PXDNL: variants seen among roughly 807,000 people sequenced by gnomAD.
PXDNL encodes probable oxidoreductase PXDNL.
In PXDNL, 145 loss-of-function variants were observed where a neutral mutation model predicts 150.8. The observed-to-expected ratio is 0.96, with a 90% confidence interval of 0.84 to 1.10. PXDNL has a LOEUF of 1.10. PXDNL is among the 50% of genes least tolerant of loss of function. The pLI is 0.00. For missense variants in PXDNL, 2,087 were observed against 1,873.9 expected, an observed-to-expected ratio of 1.11 and a Z score of -2.10; for synonymous variants, 757 against 725.7, an observed-to-expected ratio of 1.04 and a Z score of -0.69.
chr8:51,713,128 G>C (rs1391753094), intron 1 of PXDNL, among the ~76,000 whole-genome samples: 1 of 152,164 alleles, frequency 6.6e-6, no homozygotes, highest in Non-Finnish European at 1.5e-5. Flanking sequence ...AATATGAAAA[G>C]CATTAACTTA....
chr8:51,796,712 C>A (rs1264128587), intron 1 of PXDNL, among the ~76,000 whole-genome samples: 1 of 152,136 alleles, frequency 6.6e-6, no homozygotes, highest in Non-Finnish European at 1.5e-5. Context: ...AGCCCAGGAC[C>A]AGATGGATTT....
chr8:51,399,198 G>C lies in PXDNL; in HGVS notation c.3557+8869C>G, dbSNP rs539745176. 8.5e-5 allele frequency among the ~76,000 whole-genome samples: 13 copies of C among 152,204 alleles called. No homozygotes were observed. In the East Asian group the frequency reaches 2.3e-3, roughly 27 times the overall value. ...AGTTTCTTATAAAGTTAAATACAGAGTTACTAAGTGACCTAGAAATTATAC... is the reference window on the plus strand; with the variant it reads ...AGTTTCTTATAAAGTTAAATACAGACTTACTAAGTGACCTAGAAATTATAC... On this transcript the variant is annotated intron_variant, in intron 17 of 22. Transcript: ENST00000356297.
rs2037256790 is a variant in PXDNL, at chr8:51,768,540, TG to T, written c.164+40640del. On this transcript the variant is annotated intron_variant, in intron 1 of 22. Transcript: ENST00000356297. ...AAAAAATAACTCATGAGAAAACTCA[TG>T]ATGTCAATAACAATCAAGTTCCAAA... 2.0e-5 allele frequency among the ~76,000 whole-genome samples: 3 copies of T among 152,334 alleles called. No individual in the cohort carries two copies. In the South Asian group the frequency reaches 6.2e-4, roughly 32 times the overall value.
At chr8:51,327,801 A>C (rs999539450) in intron 21 of PXDNL, among the ~76,000 whole-genome samples, 3 of 152,316 alleles carry the variant, frequency 2.0e-5, no homozygotes, top group Middle Eastern at 3.4e-3. Context: ...CGACAAGAAA[A>C]ATTGGACACA....
At chr8:51,353,121 A>T (rs948013193) in intron 19 of PXDNL, among the ~76,000 whole-genome samples, 5 of 151,464 alleles carry the variant, frequency 3.3e-5, no homozygotes, top group Non-Finnish European at 5.9e-5. Flanking sequence ...TTATTGGAAA[A>T]AGCATGTTAT....
intron 13 of PXDNL, among the ~76,000 whole-genome samples, chr8:51,424,725 C>T (rs2392898): frequency 0.54 from 81,954 of 152,068 alleles, 26,133 homozygotes; most frequent in Non-Finnish European, 0.7. Context: ...CCTGCCTCTC[C>T]ACAAAAGACT....
At chr8:51,642,701 G>T (rs1814798301) in intron 2 of PXDNL, among the ~76,000 whole-genome samples, 1 of 152,198 alleles carries the variant, frequency 6.6e-6, no homozygotes, top group African/African-American at 2.4e-5. Flanking sequence ...GGGCAATCAG[G>T]CAGGAGAAGG....
chr8:51,429,223 T>A (rs1420044965), intron 12 of PXDNL, among the ~76,000 whole-genome samples: 1 of 152,076 alleles, frequency 6.6e-6, no homozygotes, highest in African/African-American at 2.4e-5. Context: ...TACTCATACA[T>A]TGTTGGTGGG....
chr8:51,396,973 T>G (rs1808101329), intron 17 of PXDNL, among the ~76,000 whole-genome samples: 1 of 152,226 alleles, frequency 6.6e-6, no homozygotes, highest in African/African-American at 2.4e-5. Context: ...ACTTTATTTT[T>G]GAATATTTTG....
At chr8:51,783,588 T>C (rs920641172) in intron 1 of PXDNL, among the ~76,000 whole-genome samples, 4 of 152,234 alleles carry the variant, frequency 2.6e-5, no homozygotes, top group African/African-American at 9.6e-5. Flanking sequence ...ACTCATGCAT[T>C]ATTATAACTA....
intron 1 of PXDNL, among the ~76,000 whole-genome samples, chr8:51,719,450 T>G (rs920515428): frequency 1.3e-5 from 2 of 152,150 alleles, no homozygotes; most frequent in Non-Finnish European, 2.9e-5. Context: ...CAGCATGCTC[T>G]TTAAGAGTCA....
intron 6 of PXDNL, among the ~76,000 whole-genome samples, chr8:51,479,741 T>G (rs1023436087): frequency 2.0e-5 from 3 of 152,052 alleles, no homozygotes; most frequent in African/African-American, 7.2e-5. Flanking sequence ...GAGTGAGGGA[T>G]GAGAAATTAT....
rs980642637 is a variant in PXDNL, at chr8:51,408,431, A to C, written c.3193T>G (p.Tyr1065Asp). The C allele has an allele frequency of 6.2e-6, 10 of 1,614,028 alleles. 1 individual carries two copies. Among genetic ancestry groups the C allele is most frequent in the East Asian group, 2.2e-5 (1 of 44,886 alleles). Residue 1065 changes from tyrosine (Y) to aspartate (D), a missense_variant, in exon 17 of 23, where the codon TAC becomes GAC. Coordinates refer to ENST00000356297, the MANE Select transcript of PXDNL (RefSeq NM_144651.5). ...TCACCTAAGGTGGCATTCAGTCGGT[A>C]AAGAATAGGATTGATTAATGTGTGG... is the stretch of plus-strand genomic sequence containing the variant. ...FGHTLINPIL[Y>D]RLNATLGEIS...
chr8:51,322,801 G>C (rs999374024), intron 21 of PXDNL, among the ~76,000 whole-genome samples: 3 of 152,196 alleles, frequency 2.0e-5, no homozygotes, highest in African/African-American at 7.2e-5. Context: ...ATTGAAGTAG[G>C]ACAGGAGGGT....
At chr8:51,334,706 G>C (rs10091279) in intron 21 of PXDNL, among the ~76,000 whole-genome samples, 33,572 of 152,036 alleles carry the variant, frequency 0.22, 3,857 homozygotes, top group Middle Eastern at 0.3. Context: ...CACATATAAA[G>C]TAGAAAACCT....
At chr8:51,458,369 C>A (rs1338529955) in intron 8 of PXDNL, among the ~76,000 whole-genome samples, 1 of 152,112 alleles carries the variant, frequency 6.6e-6, no homozygotes, top group Non-Finnish European at 1.5e-5. Context: ...AAATGCAAAG[C>A]TACTGACACA....
At chr8:51,641,447 C>T (rs906263553) in intron 2 of PXDNL, among the ~76,000 whole-genome samples, 1 of 151,676 alleles carries the variant, frequency 6.6e-6, no homozygotes, top group African/African-American at 2.4e-5. Context: ...ATTTTTGCAA[C>T]CTACTTATCT....
intron 1 of PXDNL, among the ~76,000 whole-genome samples, chr8:51,700,557 T>C (rs1046774131): frequency 5.5e-4 from 64 of 117,418 alleles, no homozygotes; most frequent in African/African-American, 1.8e-3. Flanking sequence ...CATACATACA[T>C]ACACATTTAC....
intron 9 of PXDNL, among the ~76,000 whole-genome samples, chr8:51,456,369 C>G (rs1213715057): frequency 1.3e-5 from 2 of 152,158 alleles, no homozygotes; most frequent in African/African-American, 4.8e-5. Flanking sequence ...CTCTGGCTCT[C>G]TCCCACTTGT....
Sources: gnomAD v4.1 joint callset for allele counts (sites outside exome capture counted in the v4.1 genomes callset) on GRCh38, gnomAD v4.1.1 for gene constraint, MANE v1.5 for transcripts, NCBI Gene and HGNC (gene_info 2026-07-23, HGNC 2026-07-21) for gene names.